ADAMTSL3: variants seen among roughly 807,000 people sequenced by gnomAD.
The protein encoded by ADAMTSL3 is ADAMTS like 3, also known as ADAMTS-like protein 3.
In ADAMTSL3, 128 loss-of-function variants were observed where a neutral mutation model predicts 201.7. The ratio of observed to expected loss-of-function variants is 0.63; its 90% confidence interval spans 0.55 to 0.73. The LOEUF (loss-of-function observed/expected upper bound fraction) is 0.73, where lower values mean the gene tolerates loss of function less well. Ranked by LOEUF, ADAMTSL3 falls within the 30% of genes least tolerant of loss-of-function variation. The pLI is 0.00. For synonymous variants in ADAMTSL3, 738 were observed against 748.4 expected, an observed-to-expected ratio of 0.99 and a Z score of 0.23; for missense variants, 1,990 against 2,119.6, an observed-to-expected ratio of 0.94 and a Z score of 1.20.
intron 3 of ADAMTSL3, among the ~76,000 whole-genome samples, chr15:83,733,059 A>T (rs751458663): frequency 1.3e-5 from 2 of 152,176 alleles, no homozygotes; most frequent in Non-Finnish European, 2.9e-5. Flanking sequence ...ACAACCTGCC[A>T]CATCATTTCC....
At chr15:83,949,745 A>G (rs150699292) in intron 19 of ADAMTSL3, among the ~76,000 whole-genome samples, 1 of 152,110 alleles carries the variant, frequency 6.6e-6, no homozygotes. Context: ...TCTGATTCGC[A>G]TTTCTCTGGT....
chr15:83,894,133 A>G (rs970824507), intron 13 of ADAMTSL3, among the ~76,000 whole-genome samples: 21 of 152,168 alleles, frequency 1.4e-4, no homozygotes, highest in African/African-American at 5.1e-4. Flanking sequence ...ACAAGGTGGA[A>G]TGATTCACTC....
chr15:83,763,108 C>T (rs993043905), intron 3 of ADAMTSL3, among the ~76,000 whole-genome samples: 8 of 152,138 alleles, frequency 5.3e-5, no homozygotes, highest in African/African-American at 9.7e-5. Context: ...AGGCTGGTCT[C>T]GAACTCTTGA....
chr15:83,724,750 G>C (rs1039673244), intron 3 of ADAMTSL3, among the ~76,000 whole-genome samples: 6 of 151,924 alleles, frequency 3.9e-5, no homozygotes, highest in African/African-American at 1.2e-4. Context: ...ATCCCCATGA[G>C]TTCAAATGTT....
At chr15:83,955,855 T>C (rs541167305) in intron 19 of ADAMTSL3, among the ~76,000 whole-genome samples, 2 of 152,116 alleles carry the variant, frequency 1.3e-5, no homozygotes, top group East Asian at 3.9e-4. Context: ...GGAGTTGCTT[T>C]CATTGCTACA....
intron 3 of ADAMTSL3, chr15:83,740,119 AG>A (rs1266672007): frequency 3.5e-6 from 1 of 286,280 alleles, no homozygotes; most frequent in Admixed American, 3.5e-5. Flanking sequence ...ACCATTGGCA[AG>A]GAGATCATTG....
intron 27 of ADAMTSL3, 70 bp downstream of exon 27, chr15:84,025,506 T>A: frequency 6.8e-7 from 1 of 1,463,404 alleles, no homozygotes; most frequent in Non-Finnish European, 9.2e-7. Context: ...ATAATCACCT[T>A]GTTTCCAATA....
At chr15:83,675,973 T>C (rs532206193) in intron 2 of ADAMTSL3, among the ~76,000 whole-genome samples, 1 of 152,284 alleles carries the variant, frequency 6.6e-6, no homozygotes, top group African/African-American at 2.4e-5. Context: ...TTGCATTTTT[T>C]CTCTTTTATT....
At chr15:83,964,090 A>G (rs1274642638) in intron 19 of ADAMTSL3, among the ~76,000 whole-genome samples, 1 of 152,192 alleles carries the variant, frequency 6.6e-6, no homozygotes, top group South Asian at 2.1e-4. Flanking sequence ...AAAGGCTGAA[A>G]ATTCCAAAAA....
At chr15:84,006,582 C>T (rs1308227234) in intron 23 of ADAMTSL3, among the ~76,000 whole-genome samples, 1 of 152,112 alleles carries the variant, frequency 6.6e-6, no homozygotes, top group Non-Finnish European at 1.5e-5. Flanking sequence ...TTTTCCACAA[C>T]ATTTGTCTTC....
intron 26 of ADAMTSL3, among the ~76,000 whole-genome samples, chr15:84,022,881 C>T (rs1364542132): frequency 6.6e-6 from 1 of 152,180 alleles, no homozygotes; most frequent in African/African-American, 2.4e-5. Flanking sequence ...GCATACTTCT[C>T]CCTCTGCCTA....
chr15:83,955,293 A>G (rs1184433455), intron 19 of ADAMTSL3, among the ~76,000 whole-genome samples: 1 of 152,118 alleles, frequency 6.6e-6, no homozygotes, highest in African/African-American at 2.4e-5. Context: ...CCCCATGGCC[A>G]TCATCATCAG....
At chr15:83,858,215 A>G (rs959880104) in intron 7 of ADAMTSL3, among the ~76,000 whole-genome samples, 10 of 152,190 alleles carry the variant, frequency 6.6e-5, no homozygotes, top group Non-Finnish European at 1.5e-4. Flanking sequence ...CAGTTTGCAG[A>G]CCCTCATCAA....
chr15:83,992,963 C>T (rs1265900554), intron 23 of ADAMTSL3, among the ~76,000 whole-genome samples: 1 of 152,186 alleles, frequency 6.6e-6, no homozygotes, highest in African/African-American at 2.4e-5. Flanking sequence ...AGGAATTGTC[C>T]CATTTGGCCT....
intron 23 of ADAMTSL3, among the ~76,000 whole-genome samples, chr15:83,992,393 T>C (rs62027818): frequency 0.16 from 25,018 of 152,154 alleles, 2,615 homozygotes; most frequent in Middle Eastern, 0.34. Flanking sequence ...GAAAAATTGC[T>C]CCAGGCTCCC....
chr15:83,656,122 G>GCTGT (rs2061080092), intron 2 of ADAMTSL3, among the ~76,000 whole-genome samples: 1 of 152,166 alleles, frequency 6.6e-6, no homozygotes, highest in African/African-American at 2.4e-5. Flanking sequence ...GACTAGAATG[G>GCTGT]CTGTCTGCAT....
At position 83,870,871 on chromosome 15, in the gene ADAMTSL3, T is replaced by C; in HGVS notation, c.872T>C (p.Val291Ala). The C allele has an allele frequency of 6.2e-7, 1 of 1,613,402 alleles. No individual in the cohort carries two copies. The highest frequency in any genetic ancestry group is 1.3e-5 in the African/African-American group (1 of 75,018). ...TTTAACAGCCCCGGCGTCTTTCTCGTAGAAAACACAACAGTGGAATTTCAG... is the reference window on the plus strand; with the variant it reads ...TTTAACAGCCCCGGCGTCTTTCTCGCAGAAAACACAACAGTGGAATTTCAG... ...HSFNSPGVFL[V>A]ENTTVEFQRG... The change falls in exon 9 of 30, where the codon GTA (valine) becomes GCA (alanine). Residue 291 changes from valine (V) to alanine (A), a missense_variant. Coordinates refer to ENST00000286744, the MANE Select transcript of ADAMTSL3 (RefSeq NM_207517.3).
At chr15:83,776,764 G>A (rs1411229129) in intron 4 of ADAMTSL3, among the ~76,000 whole-genome samples, 1 of 152,152 alleles carries the variant, frequency 6.6e-6, no homozygotes, top group South Asian at 2.1e-4. Flanking sequence ...GGTCAGGGAA[G>A]CCCTCTGTGC....
chr15:83,946,588 A>G (rs2066658880), intron 19 of ADAMTSL3, among the ~76,000 whole-genome samples: 2 of 152,198 alleles, frequency 1.3e-5, no homozygotes, highest in African/African-American at 4.8e-5. Context: ...TCAGAGCTCT[A>G]AGCAAGTAAA....
Sources: allele counts gnomAD v4.1 joint callset (sites outside exome capture counted in the v4.1 genomes callset), GRCh38; gene constraint gnomAD v4.1.1; transcripts MANE v1.5; gene names NCBI Gene and HGNC (gene_info 2026-07-23, HGNC 2026-07-21).